The following RGCC variants were observed in gnomAD, a reference collection of about 807,000 sequenced individuals.
RGCC encodes regulator of cell cycle RGCC.
A neutral mutation model predicts 15.4 loss-of-function variants in RGCC; 15 were observed. That is an observed-to-expected ratio of 0.97 (90% CI 0.65 to 1.50). The LOEUF (loss-of-function observed/expected upper bound fraction) is 1.50, where lower values mean the gene tolerates loss of function less well. Ranked by LOEUF, RGCC falls within the 40% of genes most tolerant of loss-of-function variation. RGCC has a pLI of 0.00. For missense variants in RGCC, 176 were observed against 189.7 expected (o/e 0.93, Z 0.42); for synonymous variants, 81 against 78.0 (o/e 1.04, Z -0.20).
At chr13:41,464,250 C>T (rs1296541418) in intron 2 of RGCC, 1 of 152,456 alleles carries the variant, frequency 6.6e-6, no homozygotes, top group Admixed American at 6.5e-5. Flanking sequence ...AGGCATGAGG[C>T]CTGCCTCCTC....
intron 2 of RGCC, among the ~76,000 whole-genome samples, chr13:41,462,661 G>T (rs1449293842): frequency 6.6e-6 from 1 of 152,164 alleles, no homozygotes; most frequent in Non-Finnish European, 1.5e-5. Context: ...ACATGAATAT[G>T]TGATCAGCCA....
intron 2 of RGCC, among the ~76,000 whole-genome samples, chr13:41,462,054 A>G (rs188328258): frequency 6.6e-6 from 1 of 152,366 alleles, no homozygotes; most frequent in East Asian, 1.9e-4. Flanking sequence ...CGAGGCTATC[A>G]GAATTTAGAT....
At position 41,458,346 on chromosome 13, in the gene RGCC, G is replaced by T. The variant is rs771322882; in HGVS notation, c.111G>T (p.Ala37=). The T allele has an allele frequency of 1.3e-6, 2 of 1,590,754 alleles. No homozygotes were observed. The highest frequency in any genetic ancestry group is 4.5e-5 in the East Asian group (2 of 44,252). Residue 37 remains alanine, a synonymous_variant, in exon 2 of 5, where the codon GCG becomes GCT. Transcript: ENST00000379359. This position sits in a 1 kb window ranked among gnomAD's most constrained non-coding sequence, Gnocchi z 4.4. ...DLSDALCEFD[A]VLADFASPFH... ...CGGACGCGCTGTGCGAGTTTGACGC[G>T]GTGCTGGCCGACTTCGCGTCGCCCT...
At position 41,458,689 on chromosome 13, in the gene RGCC, G is replaced by A. The variant is rs2043806548; in HGVS notation, c.235+219G>A. The stretch of plus-strand genomic sequence containing the variant: ...TTGCCGCCCACGGGTGTGTCACCAG[G>A]CAGGCGAGTTTAAGCAGCTTGTCCC... On this transcript the variant is annotated intron_variant, in intron 2 of 4. Transcript: ENST00000379359. The surrounding 1 kb of genome is among the most constrained non-coding windows in gnomAD (Gnocchi z 4.4). Among the ~76,000 whole-genome samples the A allele has an allele frequency of 6.6e-6, 1 of 152,196 alleles. No homozygotes were observed. The highest frequency in any genetic ancestry group is 2.4e-5 in the African/African-American group (1 of 41,452).
chr13:41,459,469 C>T (rs373222484), intron 2 of RGCC, among the ~76,000 whole-genome samples: 1 of 152,144 alleles, frequency 6.6e-6, no homozygotes, highest in African/African-American at 2.4e-5. Context: ...TATTTTGAAA[C>T]CTGGAGCTCT....
intron 2 of RGCC, among the ~76,000 whole-genome samples, chr13:41,459,515 G>T (rs1422328623): frequency 6.6e-6 from 1 of 152,186 alleles, no homozygotes; most frequent in Admixed American, 6.5e-5. Context: ...GGCTAGACAT[G>T]AACATGAGCT....
chr13:41,460,781 C>T (rs1471912327), intron 2 of RGCC, among the ~76,000 whole-genome samples: 7 of 152,182 alleles, frequency 4.6e-5, no homozygotes. Flanking sequence ...TTACAATGTA[C>T]ATGCTGTGCT....
rs558488202 is a variant in RGCC, at chr13:41,457,846, C to A, written c.49+90C>A. 7.5e-7 allele frequency: 1 copy of A among 1,341,554 alleles called. No individual in the cohort carries two copies. The highest frequency in any genetic ancestry group is 3.1e-5 in the East Asian group (1 of 32,390). The allele number at this position is 1,341,554 out of a possible 1,614,324, so 83.1% of individuals were successfully genotyped here. On this transcript the variant is annotated intron_variant, in intron 1 of 4. Transcript: ENST00000379359. This position sits in a 1 kb window ranked among gnomAD's most constrained non-coding sequence, Gnocchi z 4.9. ...GGCCCCGTGTCGTCCCTTCACACCC[C>A]CCACCCTTCCATCCTCCCCGGCGGG... is the stretch of plus-strand genomic sequence containing the variant.
chr13:41,466,177 TCTCACACACACA>T (rs979549762), intron 2 of RGCC, among the ~76,000 whole-genome samples: 20 of 104,356 alleles, frequency 1.9e-4, no homozygotes, highest in East Asian at 5.0e-4. Context: ...TCACACACTT[TCTCACACACACA>T]CTCACACACA....
At position 41,470,552 on chromosome 13, in the gene RGCC, A is replaced by T; in HGVS notation, c.*67A>T. 1 of 1,500,410 alleles carries T rather than the reference A, an allele frequency of 6.7e-7. No homozygotes were observed. Among genetic ancestry groups the T allele is most frequent in the Non-Finnish European group, 9.3e-7 (1 of 1,076,644 alleles). The allele number at this position is 1,500,410 out of a possible 1,614,324, so 92.9% of individuals were successfully genotyped here. ...CAGAAAGTTCCGAGGACCTGCTAAA[A>T]TCAGCTACTAGAATCTGCTGCCAGA... On this transcript the variant is annotated 3_prime_UTR_variant, in exon 5 of 5. Coordinates refer to ENST00000379359, the MANE Select transcript of RGCC (RefSeq NM_014059.3).
At chr13:41,468,969 C>G (rs1434429180) in intron 4 of RGCC, 131 bp downstream of exon 4, 1 of 673,198 alleles carries the variant, frequency 1.5e-6, no homozygotes. Context: ...GGTTTAGAAA[C>G]AGGACCCTAG....
At chr13:41,462,801 C>G (rs1815790802) in intron 2 of RGCC, among the ~76,000 whole-genome samples, 1 of 152,122 alleles carries the variant, frequency 6.6e-6, no homozygotes, top group Non-Finnish European at 1.5e-5. Flanking sequence ...TGAGATTTTG[C>G]CCATTGTATG....
At chr13:41,466,218 T>C (rs2043848308) in intron 2 of RGCC, among the ~76,000 whole-genome samples, 1 of 142,650 alleles carries the variant, frequency 7.0e-6, no homozygotes, top group Non-Finnish European at 1.5e-5. Flanking sequence ...CTCACACACT[T>C]TCTCACACAC....
intron 2 of RGCC, among the ~76,000 whole-genome samples, chr13:41,466,434 G>A (rs1450892560): frequency 6.6e-6 from 1 of 152,080 alleles, no homozygotes; most frequent in East Asian, 1.9e-4. Context: ...TGTCACCCAG[G>A]CTGGAGTGCA....
intron 2 of RGCC, among the ~76,000 whole-genome samples, chr13:41,461,735 T>C (rs1465052041): frequency 6.6e-6 from 1 of 152,242 alleles, no homozygotes; most frequent in Non-Finnish European, 1.5e-5. Context: ...CTGCATATCT[T>C]TGCTTAGGCT....
rs1566340009 is a variant in RGCC, at chr13:41,470,506, TTCA to T, written c.*26_*28del. 9 of 1,613,032 alleles carry T rather than the reference TTCA, an allele frequency of 5.6e-6. No homozygotes were observed. In the East Asian group the frequency reaches 2.0e-4, roughly 36 times the overall value. On this transcript the variant is annotated 3_prime_UTR_variant, in exon 5 of 5. Transcript: ENST00000379359. ...TGTGAAACAAGAAGTTCTGGGTCCT[TTCA>T]TCATAAGGGAGAAGCTTCAGAAAGT...
At chr13:41,463,517 G>A (rs2043832558) in intron 2 of RGCC, among the ~76,000 whole-genome samples, 1 of 151,026 alleles carries the variant, frequency 6.6e-6, no homozygotes, top group Admixed American at 6.6e-5. Context: ...GGCAGGGCGG[G>A]GGCGGGCAGG....
In RGCC at chr13:41,468,798, G is replaced by A. The variant is rs1476039078; in HGVS notation, c.366G>A (p.Glu122=). The A allele has an allele frequency of 1.9e-6, 3 of 1,608,076 alleles. No homozygotes were observed. The African/African-American group carries it at 4.0e-5, about 21-fold the overall frequency. Residue 122 remains glutamate (E), a synonymous_variant, in exon 4 of 5, where the codon GAG becomes GAA. Transcript: ENST00000379359. ...PQKAKLGDTK[E]LEAFIADLDK... is the part of the protein sequence containing the mutation. Reference sequence around the variant, plus strand: ...CAGCTAAATTAGGAGACACAAAAGAGCTAGAAGCCTTCATTGCTGATCTTG... The same window carrying A: ...CAGCTAAATTAGGAGACACAAAAGAACTAGAAGCCTTCATTGCTGATCTTG...
At chr13:41,464,754 G>C (rs2043839299) in intron 2 of RGCC, among the ~76,000 whole-genome samples, 1 of 152,186 alleles carries the variant, frequency 6.6e-6, no homozygotes, top group South Asian at 2.1e-4. Context: ...GTAGGTATCA[G>C]GTCCAGGATT....
Sources: allele counts gnomAD v4.1 joint callset (sites outside exome capture counted in the v4.1 genomes callset), GRCh38; gene constraint gnomAD v4.1.1; non-coding constraint Gnocchi (gnomAD v3.1); transcripts MANE v1.5; gene names NCBI Gene and HGNC (gene_info 2026-07-23, HGNC 2026-07-21).